The following TENM1 variants were observed in gnomAD, a reference collection of about 807,000 sequenced individuals.
TENM1 encodes teneurin transmembrane protein 1.
Under a neutral mutation model 174.8 loss-of-function variants are expected in TENM1, and 35 were observed. The observed-to-expected ratio is 0.20, with a 90% confidence interval of 0.15 to 0.27. The LOEUF (loss-of-function observed/expected upper bound fraction) is 0.27, where lower values mean the gene tolerates loss of function less well. Ranked by LOEUF, TENM1 falls within the 10% of genes least tolerant of loss-of-function variation. TENM1 has a pLI of 1.00. For missense variants in TENM1, 1,633 were observed against 2,130.1 expected (o/e 0.77, Z 4.59); for synonymous variants, 781 against 798.7 (o/e 0.98, Z 0.37).
At chrX:124,727,469 T>C (rs1279425038) in intron 4 of TENM1, among the ~76,000 whole-genome samples, 1 of 111,252 alleles carries the variant, frequency 9.0e-6, no homozygotes, top group East Asian at 2.8e-4. Flanking sequence ...AGAGAGTAAA[T>C]AAGAGTAAAC....
chrX:124,614,221 T>A (rs1235914779), intron 11 of TENM1, among the ~76,000 whole-genome samples: 1 of 111,459 alleles, frequency 9.0e-6, no homozygotes, highest in Non-Finnish European at 1.9e-5. Context: ...TCTATTTGTA[T>A]TTTTGCTCTA....
chrX:124,532,482 G>A (rs2048128834), intron 15 of TENM1, among the ~76,000 whole-genome samples: 2 of 111,016 alleles, frequency 1.8e-5, no homozygotes, highest in Non-Finnish European at 3.8e-5. Flanking sequence ...TCTGTATCTC[G>A]TTCTGAGTAG....
the TENM1 span, among the ~76,000 whole-genome samples, chrX:124,986,286 A>G: frequency 9.8e-5 from 11 of 111,726 alleles, no homozygotes; most frequent in East Asian, 2.6e-3. Flanking sequence ...ATGATGATCA[A>G]GTTTTCTCCT....
the TENM1 span, among the ~76,000 whole-genome samples, chrX:125,009,097 G>GTT: frequency 0.033 from 2,435 of 73,982 alleles, 140 homozygotes; most frequent in African/African-American, 0.12. Flanking sequence ...TCCAGGAGCT[G>GTT]TTTTTTTTTT....
At chrX:125,086,079 A>AT in the TENM1 span, among the ~76,000 whole-genome samples, 7 of 110,133 alleles carry the variant, frequency 6.4e-5, no homozygotes, top group Middle Eastern at 5.0e-3. Context: ...CCAAATAGCC[A>AT]TTTTTTCCAA....
chrX:124,647,860 C>G, intron 8 of TENM1, among the ~76,000 whole-genome samples: 1 of 110,899 alleles, frequency 9.0e-6, no homozygotes, highest in East Asian at 2.8e-4. Context: ...TAAACTCACA[C>G]TTTTCTTGTG....
chrX:125,128,830 A>T, the TENM1 span, among the ~76,000 whole-genome samples: 1 of 111,739 alleles, frequency 8.9e-6, no homozygotes, highest in Non-Finnish European at 1.9e-5. Flanking sequence ...AAGTGCTCAA[A>T]AAAAGTTATT....
At chrX:124,747,187 A>C in intron 3 of TENM1, among the ~76,000 whole-genome samples, 1 of 105,526 alleles carries the variant, frequency 9.5e-6, no homozygotes, top group South Asian at 4.0e-4. Flanking sequence ...AAATAAAATT[A>C]AAAAAAATAA....
intron 11 of TENM1, among the ~76,000 whole-genome samples, chrX:124,592,593 G>T (rs181648765): frequency 1.8e-5 from 2 of 109,197 alleles, no homozygotes; most frequent in African/African-American, 6.7e-5. Flanking sequence ...GTGCCACTAC[G>T]TCCAGCTAAT....
the TENM1 span, among the ~76,000 whole-genome samples, chrX:124,973,956 C>T: frequency 1.1e-4 from 12 of 111,163 alleles, no homozygotes; most frequent in African/African-American, 2.0e-4. Context: ...TGGGACCTGT[C>T]GGGGGAGTGG....
rs964643967 is a variant in TENM1 at position 124,503,502 on chromosome X, A to G, written c.3445+58T>C. 2.4e-5 allele frequency: 26 copies of G among 1,070,589 alleles called. No homozygotes were observed. The African/African-American group carries it at 4.2e-4, about 17-fold the overall frequency. 88.2% of individuals were successfully genotyped at this position (1,070,589 alleles called of 1,213,427 possible). ...GTACTTTCCAAATTTTCTGCAATAA[A>G]TATGTATTATACAGCATTAGGAAAG... On this transcript the variant is annotated intron_variant, in intron 19 of 31. Transcript: ENST00000422452.
chrX:124,485,417 C>A (rs1249997215), intron 21 of TENM1, among the ~76,000 whole-genome samples: 1 of 111,093 alleles, frequency 9.0e-6, no homozygotes, highest in African/African-American at 3.3e-5. Context: ...GAGTAAAATT[C>A]TTTACATATA....
chrX:124,662,560 C>T (rs751779350), intron 6 of TENM1, among the ~76,000 whole-genome samples: 5 of 109,337 alleles, frequency 4.6e-5, no homozygotes, highest in Non-Finnish European at 9.5e-5. Context: ...CTGTTTATCT[C>T]CTTCCTTTCC....
At chrX:124,819,484 A>G (rs972424004) in intron 3 of TENM1, among the ~76,000 whole-genome samples, 2 of 111,278 alleles carry the variant, frequency 1.8e-5, no homozygotes, top group Non-Finnish European at 3.8e-5. Flanking sequence ...GCACTAGATC[A>G]TACGGTCTCA....
chrX:124,540,860 G>A (rs1336360919), intron 15 of TENM1, among the ~76,000 whole-genome samples: 1 of 111,508 alleles, frequency 9.0e-6, no homozygotes, highest in Non-Finnish European at 1.9e-5. Context: ...CCAGTTAGCA[G>A]CAGTCTTCCT....
intron 11 of TENM1, among the ~76,000 whole-genome samples, chrX:124,569,774 C>T (rs991424573): frequency 9.0e-6 from 1 of 110,818 alleles, no homozygotes. Context: ...GAAAGAAAAA[C>T]GAGCTGAAAA....
At chrX:124,629,363 G>T (rs1345908954) in intron 11 of TENM1, among the ~76,000 whole-genome samples, 2 of 112,213 alleles carry the variant, frequency 1.8e-5, no homozygotes, top group African/African-American at 6.5e-5. Flanking sequence ...GGAGTAGAAA[G>T]AATTTTCATA....
chrX:124,970,963 A>G, the TENM1 span, among the ~76,000 whole-genome samples: 1 of 110,053 alleles, frequency 9.1e-6, no homozygotes, highest in Non-Finnish European at 1.9e-5. Context: ...GCCATAAAAA[A>G]GGATGAGTTC....
At chrX:124,597,603 G>A (rs965000827) in intron 11 of TENM1, among the ~76,000 whole-genome samples, 7 of 110,600 alleles carry the variant, frequency 6.3e-5, no homozygotes, top group African/African-American at 2.0e-4. Context: ...CTTGGGTGAC[G>A]AGTGCACCAA....
Sources: allele counts gnomAD v4.1 joint callset (sites outside exome capture counted in the v4.1 genomes callset), GRCh38; gene constraint gnomAD v4.1.1; transcripts MANE v1.5; gene names NCBI Gene and HGNC (gene_info 2026-07-23, HGNC 2026-07-21).